RHOU: variants seen among roughly 807,000 people sequenced by gnomAD.
RHOU encodes the protein rho-related GTP-binding protein RhoU.
A neutral mutation model predicts 12.6 loss-of-function variants in RHOU; 8 were observed. That is an observed-to-expected ratio of 0.64 (90% CI 0.37 to 1.15). RHOU has a LOEUF of 1.15. RHOU is among the 50% of genes most tolerant of loss of function. The pLI, the probability that RHOU is intolerant of heterozygous loss-of-function variation, is 0.01. For missense variants in RHOU, 258 were observed against 347.0 expected (o/e 0.74, Z 2.04); for synonymous variants, 161 against 147.4 (o/e 1.09, Z -0.67).
In RHOU at chr1:228,744,747, CCATGCACACT is replaced by C. The variant is rs1662794093; in HGVS notation, c.*1017_*1026del. On this transcript the variant is annotated 3_prime_UTR_variant, in exon 3 of 3. Coordinates refer to ENST00000366691, the MANE Select transcript of RHOU (RefSeq NM_021205.6). ...AAGATGTACTTCTCTGTGTGCACACCCATGCACACTCATGCACACAGATACATAGGTCTGT... is the reference window on the plus strand; with the variant it reads ...AAGATGTACTTCTCTGTGTGCACACCCATGCACACAGATACATAGGTCTGT... 2 of 152,036 alleles carry C rather than the reference CCATGCACACT, an allele frequency of 1.3e-5. No homozygotes were observed. The highest frequency in any genetic ancestry group is 2.4e-5 in the African/African-American group (1 of 41,364). The allele number at this position is 152,036 out of a possible 1,614,324, so 9.4% of individuals were successfully genotyped here.
At chr1:228,675,498 C>A in the RHOU span, among the ~76,000 whole-genome samples, 1 of 152,142 alleles carries the variant, frequency 6.6e-6, no homozygotes, top group African/African-American at 2.4e-5. Context: ...CATAGTGACT[C>A]TTTTTCAATC....
chr1:228,653,864 A>G, the RHOU span, among the ~76,000 whole-genome samples: 1 of 152,240 alleles, frequency 6.6e-6, no homozygotes, highest in Non-Finnish European at 1.5e-5. Flanking sequence ...TCTGCAAAAC[A>G]TTTTGTCTTT....
At chr1:228,646,995 A>G in the RHOU span, among the ~76,000 whole-genome samples, 1 of 150,854 alleles carries the variant, frequency 6.6e-6, no homozygotes, top group Non-Finnish European at 1.5e-5. Context: ...AGGGAAGGCT[A>G]GAGAAATAAC....
chr1:228,708,736 A>G, the RHOU span, among the ~76,000 whole-genome samples: 1 of 152,138 alleles, frequency 6.6e-6, no homozygotes, highest in Non-Finnish European at 1.5e-5. Context: ...GAGACTAGGA[A>G]GAAACTGCAT....
At chr1:228,680,197 C>T in the RHOU span, among the ~76,000 whole-genome samples, 1 of 152,144 alleles carries the variant, frequency 6.6e-6, no homozygotes, top group African/African-American at 2.4e-5. Context: ...GTCCAGGAGG[C>T]TTCCGAGGTG....
At chr1:228,663,928 C>T in the RHOU span, among the ~76,000 whole-genome samples, 2 of 150,358 alleles carry the variant, frequency 1.3e-5, no homozygotes, top group Admixed American at 1.3e-4. Context: ...CCGCCACGCC[C>T]GGCCAACATA....
chr1:228,667,836 T>C, the RHOU span, among the ~76,000 whole-genome samples: 1 of 152,142 alleles, frequency 6.6e-6, no homozygotes, highest in Admixed American at 6.5e-5. Context: ...AAAACCATAA[T>C]TGTGATATTG....
the RHOU span, among the ~76,000 whole-genome samples, chr1:228,683,919 T>C: frequency 6.6e-6 from 1 of 152,226 alleles, no homozygotes; most frequent in African/African-American, 2.4e-5. Context: ...AACCAGATCC[T>C]TAGAAGACAA....
At chr1:228,659,967 A>AC in the RHOU span, among the ~76,000 whole-genome samples, 38 of 57,922 alleles carry the variant, frequency 6.6e-4, no homozygotes, top group African/African-American at 3.5e-3. Context: ...AAAAAAAAAC[A>AC]AAAAAAAAAA....
the RHOU span, among the ~76,000 whole-genome samples, chr1:228,667,253 A>G: frequency 3.9e-3 from 600 of 152,356 alleles, 6 homozygotes; most frequent in African/African-American, 0.013. Flanking sequence ...CAAGTGGTTA[A>G]ATAACAGAAG....
At chr1:228,684,244 C>A in the RHOU span, among the ~76,000 whole-genome samples, 1 of 152,132 alleles carries the variant, frequency 6.6e-6, no homozygotes. Flanking sequence ...ACCCTGATGG[C>A]CAGGCTGGTC....
chr1:228,714,740 CT>C, the RHOU span, among the ~76,000 whole-genome samples: 318 of 83,688 alleles, frequency 3.8e-3, 1 homozygote, highest in Admixed American at 4.0e-3. Flanking sequence ...TGTTAATTAT[CT>C]TTTTTTTTTT....
chr1:228,745,627 GC>G lies in RHOU; in HGVS notation c.*1888del, dbSNP rs1182213380. On this transcript the variant is annotated 3_prime_UTR_variant, in exon 3 of 3. Transcript: ENST00000366691. ...TTGATGTCGGTCATAGTTTCCTGAA[GC>G]ATTTAGTTACAACCTGAAGGAATAA... is the stretch of plus-strand genomic sequence containing the variant. The G allele has an allele frequency of 3.3e-5, 5 of 152,258 alleles. No homozygotes were observed. In the East Asian group the frequency reaches 9.6e-4, roughly 29 times the overall value. 9.4% of individuals were successfully genotyped at this position (152,258 alleles called of 1,614,324 possible).
At chr1:228,719,406 A>C in the RHOU span, among the ~76,000 whole-genome samples, 1 of 152,164 alleles carries the variant, frequency 6.6e-6, no homozygotes, top group Admixed American at 6.6e-5. Context: ...GGAAAAGGGA[A>C]CTAATATTTA....
At chr1:228,683,655 A>G in the RHOU span, among the ~76,000 whole-genome samples, 1 of 152,266 alleles carries the variant, frequency 6.6e-6, no homozygotes, top group Non-Finnish European at 1.5e-5. Context: ...TTCTATAACA[A>G]GGACACTCTT....
the RHOU span, among the ~76,000 whole-genome samples, chr1:228,685,324 AT>A: frequency 6.6e-6 from 1 of 152,174 alleles, no homozygotes; most frequent in Non-Finnish European, 1.5e-5. Context: ...CCTCAGCCTT[AT>A]TTTACCCAGC....
the RHOU span, among the ~76,000 whole-genome samples, chr1:228,707,031 A>T: frequency 3.4e-5 from 5 of 146,948 alleles, no homozygotes; most frequent in Admixed American, 1.4e-4. Context: ...TCCTATTAGA[A>T]ATGCTTCTAG....
the RHOU span, among the ~76,000 whole-genome samples, chr1:228,712,961 C>T: frequency 6.6e-6 from 1 of 151,308 alleles, no homozygotes; most frequent in Non-Finnish European, 1.5e-5. Flanking sequence ...CTGAGTCTGA[C>T]TATATATATA....
chr1:228,730,413 C>G, the RHOU span, among the ~76,000 whole-genome samples: 1 of 152,252 alleles, frequency 6.6e-6, no homozygotes, highest in Non-Finnish European at 1.5e-5. Flanking sequence ...GTCAGCAGAG[C>G]CAGCAGTGAG....
Sources: allele counts gnomAD v4.1 joint callset (sites outside exome capture counted in the v4.1 genomes callset), GRCh38; gene constraint gnomAD v4.1.1; transcripts MANE v1.5; gene names NCBI Gene and HGNC (gene_info 2026-07-23, HGNC 2026-07-21).